Variants in FER observed in about 807,000 individuals in gnomAD.
FER encodes the protein FER tyrosine kinase.
A neutral mutation model predicts 111.0 loss-of-function variants in FER; 63 were observed. The observed-to-expected ratio is 0.57, with a 90% CI of 0.46 to 0.70. The LOEUF (loss-of-function observed/expected upper bound fraction) is 0.70, where lower values mean the gene tolerates loss of function less well. FER is among the 30% of genes least tolerant of loss of function. The pLI is 0.00. For synonymous variants in FER, 327 were observed against 313.9 expected (o/e 1.04, Z -0.44); for missense variants, 914 against 954.0 (o/e 0.96, Z 0.55).
At chr5:109,136,566 T>C (rs1410914174) in intron 17 of FER, among the ~76,000 whole-genome samples, 1 of 152,176 alleles carries the variant, frequency 6.6e-6, no homozygotes, top group Non-Finnish European at 1.5e-5. Flanking sequence ...TACATTTTTT[T>C]AGCTAGTTAT....
At chr5:108,978,562 G>A (rs942014005) in intron 13 of FER, among the ~76,000 whole-genome samples, 1 of 152,110 alleles carries the variant, frequency 6.6e-6, no homozygotes, top group African/African-American at 2.4e-5. Flanking sequence ...TATTTATTGT[G>A]TAGTATTGAA....
chr5:108,929,258 C>T (rs901526970), intron 10 of FER, among the ~76,000 whole-genome samples: 1 of 152,100 alleles, frequency 6.6e-6, no homozygotes, highest in African/African-American at 2.4e-5. Context: ...TAAAGTCTCT[C>T]TTTGCCAATC....
chr5:108,800,561 C>G (rs539673799), intron 3 of FER, among the ~76,000 whole-genome samples: 42 of 152,206 alleles, frequency 2.8e-4, no homozygotes, highest in African/African-American at 1.0e-3. Flanking sequence ...GTATATTGCC[C>G]AGGCTGACCT....
At chr5:108,864,814 T>C (rs1044002142) in intron 5 of FER, among the ~76,000 whole-genome samples, 27 of 152,310 alleles carry the variant, frequency 1.8e-4, no homozygotes, top group Non-Finnish European at 3.5e-4. Context: ...TTTGTTCTTT[T>C]GGCTTAGGGT....
chr5:108,921,040 C>T (rs1433688491), intron 10 of FER, among the ~76,000 whole-genome samples: 2 of 152,048 alleles, frequency 1.3e-5, no homozygotes, highest in African/African-American at 4.8e-5. Flanking sequence ...CCCAGATCTT[C>T]GTATGACCAA....
At chr5:108,973,201 G>C (rs942293303) in intron 13 of FER, among the ~76,000 whole-genome samples, 28 of 152,020 alleles carry the variant, frequency 1.8e-4, no homozygotes, top group South Asian at 1.2e-3. Flanking sequence ...AGACATACTT[G>C]TTTTCACTTT....
intron 2 of FER, among the ~76,000 whole-genome samples, chr5:108,794,360 T>C (rs1211138133): frequency 1.3e-5 from 2 of 151,756 alleles, no homozygotes; most frequent in African/African-American, 4.8e-5. Context: ...TGGGATTACA[T>C]GTGCCCGCCT....
intron 1 of FER, among the ~76,000 whole-genome samples, chr5:108,749,588 A>C (rs187005618): frequency 1.3e-5 from 2 of 152,042 alleles, no homozygotes; most frequent in African/African-American, 4.8e-5. Flanking sequence ...GGTCCTCCCC[A>C]GCTCTCCTCC....
intron 17 of FER, among the ~76,000 whole-genome samples, chr5:109,127,760 A>G: frequency 6.6e-6 from 1 of 152,200 alleles, no homozygotes; most frequent in East Asian, 1.9e-4. Flanking sequence ...ATTAGGAGTC[A>G]TTAAAAATGA....
chr5:108,830,566 A>G (rs1238696143), intron 3 of FER: 1 of 152,180 alleles, frequency 6.6e-6, no homozygotes, highest in African/African-American at 2.4e-5. Context: ...TATTATTATT[A>G]TTGCTACTTT....
At chr5:108,821,486 AT>A (rs963068319) in intron 3 of FER, among the ~76,000 whole-genome samples, 5 of 152,184 alleles carry the variant, frequency 3.3e-5, no homozygotes, top group Admixed American at 1.3e-4. Flanking sequence ...TATTATCACT[AT>A]GAAAATTTTA....
chr5:109,164,606 G>T (rs1290572196), intron 17 of FER, among the ~76,000 whole-genome samples: 2 of 151,984 alleles, frequency 1.3e-5, no homozygotes, highest in Non-Finnish European at 2.9e-5. Flanking sequence ...TATATTTGCT[G>T]CATTTGCCAT....
rs141923827 is a variant in FER, at chr5:109,019,878, A to G, written c.1657-17544A>G. ...TTTTACGACTGATTTTAAAATGCTG[A>G]TGGTAACAATATAAACATTATCACC... On this transcript the variant is annotated intron_variant, in intron 13 of 19. Coordinates refer to ENST00000281092, the MANE Select transcript of FER (RefSeq NM_005246.4). Among the ~76,000 whole-genome samples, 921 of 152,040 alleles carry G rather than the reference A, an allele frequency of 6.1e-3. 7 individuals carry two copies. The highest frequency in any genetic ancestry group is 0.021 in the African/African-American group (883 of 41,542).
intron 13 of FER, among the ~76,000 whole-genome samples, chr5:109,026,198 T>C (rs1205899225): frequency 6.6e-6 from 1 of 152,138 alleles, no homozygotes; most frequent in African/African-American, 2.4e-5. Flanking sequence ...TCTAGAATGA[T>C]AGGATAAAAT....
rs1270135593 is a variant in FER, at chr5:109,044,684, A to T, written c.1718A>T (p.Asn573Ile). 13 of 1,497,670 alleles carry T rather than the reference A, an allele frequency of 8.7e-6. No individual in the cohort carries two copies. The highest frequency in any genetic ancestry group is 1.2e-5 in the Non-Finnish European group (13 of 1,107,020). The allele number at this position is 1,497,670 out of a possible 1,614,324, so 92.8% of individuals were successfully genotyped here. A position where few individuals can be genotyped will look rare whatever the true frequency, so the allele number is the denominator to read the frequency against. The change falls in exon 15 of 20, where the codon AAT (asparagine) becomes ATT (isoleucine). Residue 573 changes from asparagine to isoleucine, a missense_variant. This residue lies in a region of FER where 774 missense variants were observed against 782.6 expected (regional missense o/e 0.99). Transcript: ENST00000281092. ...VILGELLGKG[N>I]FGEVYKGTLK... ...TGAATGTATTTCTATTTTCAGGGAA[A>T]TTTTGGTGAAGTATATAAGGGCACA... is the stretch of plus-strand genomic sequence containing the variant.
At chr5:108,974,067 A>C (rs1761015642) in intron 13 of FER, among the ~76,000 whole-genome samples, 2 of 152,206 alleles carry the variant, frequency 1.3e-5, no homozygotes, top group Non-Finnish European at 2.9e-5. Flanking sequence ...ACAGCTCTTA[A>C]GCATTTTTCT....
At chr5:108,938,026 TCACACA>T (rs201092702) in intron 10 of FER, among the ~76,000 whole-genome samples, 27,257 of 130,496 alleles carry the variant, frequency 0.21, 2,959 homozygotes, top group African/African-American at 0.31. Flanking sequence ...TATCTCTCTC[TCACACA>T]CACACACACA....
intron 13 of FER, among the ~76,000 whole-genome samples, chr5:108,999,081 T>C (rs928762559): frequency 1.3e-5 from 2 of 152,204 alleles, no homozygotes; most frequent in African/African-American, 4.8e-5. Flanking sequence ...TTTAGTTTTT[T>C]TAAAAGTAAG....
At position 108,844,992 on chromosome 5, in the gene FER, GTGTGTATATATATA is replaced by G. The variant is rs1469981891; in HGVS notation, c.481+9187_481+9200del. 7.5e-3 allele frequency among the ~76,000 whole-genome samples: 288 copies of G among 38,260 alleles called. 7 individuals carry two copies. The highest frequency in any genetic ancestry group is 0.023 in the African/African-American group (192 of 8,286). The allele number at this position is 38,260 out of a possible 152,430, so 25.1% of individuals were successfully genotyped here. ...TGGATTGTTCATTGCTGGTGTGTGTGTGTGTATATATATATATATATATATATATATATATATAT... is the reference window on the plus strand; with the variant it reads ...TGGATTGTTCATTGCTGGTGTGTGTGTATATATATATATATATATATATAT... On this transcript the variant is annotated intron_variant, in intron 5 of 19. Coordinates refer to ENST00000281092, the MANE Select transcript of FER (RefSeq NM_005246.4).
Sources: gnomAD v4.1 joint callset for allele counts (sites outside exome capture counted in the v4.1 genomes callset) on GRCh38, gnomAD v4.1.1 for gene constraint, gnomAD v4.1.1 regional missense constraint, MANE v1.5 for transcripts, NCBI Gene and HGNC (gene_info 2026-07-23, HGNC 2026-07-21) for gene names.